EEPD1: variants seen among roughly 807,000 people sequenced by gnomAD.
EEPD1 encodes endonuclease/exonuclease/phosphatase family domain containing 1, also known as endonuclease/exonuclease/phosphatase family domain-containing protein 1.
In EEPD1, 17 loss-of-function variants were observed where a neutral mutation model predicts 46.3. The observed-to-expected ratio is 0.37, with a 90% CI of 0.25 to 0.55. The LOEUF is 0.55. Ranked by LOEUF, EEPD1 falls within the 20% of genes least tolerant of loss-of-function variation. The pLI, the probability that EEPD1 is intolerant of heterozygous loss-of-function variation, is 0.83. For synonymous variants in EEPD1, 313 were observed against 315.6 expected (o/e 0.99, Z 0.09); for missense variants, 673 against 745.6 (o/e 0.90, Z 1.13).
intron 2 of EEPD1, among the ~76,000 whole-genome samples, chr7:36,190,768 G>T (rs901648478): frequency 4.6e-5 from 7 of 152,226 alleles, no homozygotes; most frequent in South Asian, 2.1e-4. Context: ...CTTTCAAAGT[G>T]GGGGAGGTTG....
At chr7:36,196,627 T>C (rs933077806) in intron 2 of EEPD1, among the ~76,000 whole-genome samples, 7 of 152,260 alleles carry the variant, frequency 4.6e-5, no homozygotes, top group African/African-American at 1.7e-4. Context: ...TTGGCCGGAC[T>C]GGTCTCCAGC....
At chr7:36,247,390 G>A (rs1306710200) in intron 3 of EEPD1, among the ~76,000 whole-genome samples, 1 of 152,186 alleles carries the variant, frequency 6.6e-6, no homozygotes, top group Non-Finnish European at 1.5e-5. Flanking sequence ...TGCTTTTGGA[G>A]TGTTATTCAC....
chr7:36,280,038 G>C (rs1787236195), intron 3 of EEPD1, among the ~76,000 whole-genome samples: 1 of 152,218 alleles, frequency 6.6e-6, no homozygotes, highest in Non-Finnish European at 1.5e-5. Flanking sequence ...CAGTGCGCTG[G>C]TGGGAGGCGA....
chr7:36,237,499 C>T (rs563285602), intron 2 of EEPD1, among the ~76,000 whole-genome samples: 2 of 152,200 alleles, frequency 1.3e-5, no homozygotes, highest in African/African-American at 2.4e-5. Flanking sequence ...CCTCTCCATT[C>T]TCCTTTTCCC....
chr7:36,284,668 T>A lies in EEPD1; in HGVS notation c.1042-18T>A, dbSNP rs201653478. The A allele has an allele frequency of 2.4e-5, 39 of 1,607,726 alleles. No homozygotes were observed. The Admixed American group carries it at 6.4e-4, about 26-fold the overall frequency. ...CTAGGGCTCTGGCACCAAGACTCTGTCTCCCTCTCCGCTGCAGGGAGCTGG... is the reference window on the plus strand; with the variant it reads ...CTAGGGCTCTGGCACCAAGACTCTGACTCCCTCTCCGCTGCAGGGAGCTGG... On this transcript the variant is annotated intron_variant, in intron 4 of 7. Coordinates refer to ENST00000242108, the MANE Select transcript of EEPD1 (RefSeq NM_030636.3).
chr7:36,161,060 C>G (rs1784895787), intron 2 of EEPD1, among the ~76,000 whole-genome samples: 1 of 152,100 alleles, frequency 6.6e-6, no homozygotes, highest in African/African-American at 2.4e-5. Context: ...CATGGTCTGC[C>G]CTCAGCAGAT....
At chr7:36,262,422 A>C (rs1402173717) in intron 3 of EEPD1, among the ~76,000 whole-genome samples, 3 of 152,226 alleles carry the variant, frequency 2.0e-5, no homozygotes, top group Non-Finnish European at 4.4e-5. Flanking sequence ...CAAGAGTGAA[A>C]GTTTATTAAA....
chr7:36,277,124 G>C (rs923190554), intron 3 of EEPD1, among the ~76,000 whole-genome samples: 2 of 152,250 alleles, frequency 1.3e-5, no homozygotes, highest in Non-Finnish European at 2.9e-5. Flanking sequence ...AAAGTTTTGG[G>C]AGAAAGGAGC....
intron 2 of EEPD1, among the ~76,000 whole-genome samples, chr7:36,157,571 C>T (rs1050284485): frequency 6.6e-6 from 1 of 152,162 alleles, no homozygotes; most frequent in Admixed American, 6.5e-5. Context: ...CCAAACCCAC[C>T]AGGGTGTAGA....
At chr7:36,296,926 G>T (rs1787534925) in intron 6 of EEPD1, 67 bp from the exon 7 acceptor site, 5 of 1,538,040 alleles carry the variant, frequency 3.3e-6, no homozygotes, top group Middle Eastern at 1.8e-4. Flanking sequence ...GTTTCAAAGG[G>T]CCACGGTCAG....
Position 36,154,834 on chromosome 7 carries a change from C to T in EEPD1, c.510C>T (p.Pro170=), listed in dbSNP as rs755666737. 5.0e-5 allele frequency: 80 copies of T among 1,614,084 alleles called. 1 individual carries two copies. The East Asian group carries it at 1.8e-3, about 36-fold the overall frequency. ...TGGACTTCCGCCGTGAGCATGGGCC[C>T]TTTCGCAGCGTTGAGGACCTAGTGA... The part of the protein sequence containing the change: ...SIVDFRREHG[P]FRSVEDLVRM... The change falls in exon 2 of 8, where the codon CCC becomes CCT. Residue 170 remains proline, a synonymous_variant. Transcript: ENST00000242108. The surrounding 1 kb of genome is among the most constrained non-coding windows in gnomAD (Gnocchi z 4.2).
At chr7:36,245,321 C>T (rs561702914) in intron 3 of EEPD1, among the ~76,000 whole-genome samples, 6 of 152,264 alleles carry the variant, frequency 3.9e-5, no homozygotes, top group Non-Finnish European at 8.8e-5. Context: ...CTCGTATTTT[C>T]TCCACTTCCT....
chr7:36,158,274 G>A (rs779480468), intron 2 of EEPD1, among the ~76,000 whole-genome samples: 23 of 152,286 alleles, frequency 1.5e-4, no homozygotes, highest in Middle Eastern at 3.4e-3. Context: ...TTGTAAGCAC[G>A]ACACCTTTAA....
intron 2 of EEPD1, among the ~76,000 whole-genome samples, chr7:36,183,075 C>T (rs1382108730): frequency 1.3e-5 from 2 of 152,164 alleles, no homozygotes; most frequent in Non-Finnish European, 2.9e-5. Flanking sequence ...AGTGGAGAGC[C>T]AGGAGGGCGG....
At chr7:36,162,902 T>C (rs958603883) in intron 2 of EEPD1, among the ~76,000 whole-genome samples, 1 of 152,184 alleles carries the variant, frequency 6.6e-6, no homozygotes, top group African/African-American at 2.4e-5. Flanking sequence ...TGCACATGCT[T>C]TGGATGTTCT....
intron 3 of EEPD1, among the ~76,000 whole-genome samples, chr7:36,279,895 G>A (rs908717861): frequency 3.9e-5 from 6 of 152,224 alleles, no homozygotes; most frequent in African/African-American, 1.4e-4. Context: ...TAGCTGCAGG[G>A]TGGGTCCAGT....
chr7:36,278,719 A>C (rs1247622854), intron 3 of EEPD1, among the ~76,000 whole-genome samples: 1 of 152,208 alleles, frequency 6.6e-6, no homozygotes, highest in East Asian at 1.9e-4. Flanking sequence ...CCCTTTGTGA[A>C]GTACATTTCC....
intron 2 of EEPD1, among the ~76,000 whole-genome samples, chr7:36,232,455 C>T (rs542753928): frequency 1.8e-4 from 28 of 151,980 alleles, no homozygotes; most frequent in African/African-American, 6.0e-4. Flanking sequence ...CCACCCGCCT[C>T]GGCCTCCTGA....
chr7:36,254,235 C>T (rs1583467780), intron 3 of EEPD1, among the ~76,000 whole-genome samples: 2 of 152,138 alleles, frequency 1.3e-5, no homozygotes, highest in Middle Eastern at 6.8e-3. Flanking sequence ...CCCATCAACC[C>T]ATCATCTACA....
Sources: gnomAD v4.1 joint callset for allele counts (sites outside exome capture counted in the v4.1 genomes callset) on GRCh38, gnomAD v4.1.1 for gene constraint, Gnocchi (gnomAD v3.1) non-coding constraint, MANE v1.5 for transcripts, NCBI Gene and HGNC (gene_info 2026-07-23, HGNC 2026-07-21) for gene names.